Variants in PTPRD observed in about 807,000 individuals in gnomAD.
The protein encoded by PTPRD is protein tyrosine phosphatase receptor type D.
A neutral mutation model predicts 214.5 loss-of-function variants in PTPRD; 34 were observed. The observed-to-expected ratio is 0.16, with a 90% CI of 0.12 to 0.21. PTPRD has a LOEUF of 0.21. Among genes scored for constraint, PTPRD ranks in the 10% least tolerant of loss-of-function variants. PTPRD has a pLI of 1.00. For synonymous variants in PTPRD, 1,128 were observed against 845.7 expected (o/e 1.33, Z -5.79); for missense variants, 2,545 against 2,398.7 (o/e 1.06, Z -1.27).
intron 3 of PTPRD, among the ~76,000 whole-genome samples, chr9:10,165,919 A>G (rs2099156237): frequency 6.6e-6 from 1 of 150,930 alleles, no homozygotes; most frequent in Non-Finnish European, 1.5e-5. Context: ...CAATATATAG[A>G]TCTATGCAGA....
At chr9:8,530,171 G>A (rs1162004874) in intron 14 of PTPRD, among the ~76,000 whole-genome samples, 3 of 151,944 alleles carry the variant, frequency 2.0e-5, no homozygotes, top group African/African-American at 7.2e-5. Flanking sequence ...CCATTTTGAT[G>A]CCTCCACCGT....
intron 11 of PTPRD, among the ~76,000 whole-genome samples, chr9:8,746,367 G>A (rs1373253978): frequency 6.6e-6 from 1 of 152,142 alleles, no homozygotes; most frequent in Non-Finnish European, 1.5e-5. Context: ...ATTTCCTGCA[G>A]CAATAAAAGC....
intron 8 of PTPRD, among the ~76,000 whole-genome samples, chr9:9,471,396 C>T (rs1023637055): frequency 6.6e-6 from 1 of 152,056 alleles, no homozygotes; most frequent in Non-Finnish European, 1.5e-5. Flanking sequence ...GATCATATTT[C>T]ATTGGTGACT....
At chr9:9,658,650 G>T (rs1186520618) in intron 7 of PTPRD, among the ~76,000 whole-genome samples, 1 of 152,022 alleles carries the variant, frequency 6.6e-6, no homozygotes, top group East Asian at 1.9e-4. Context: ...GAAAATTCTG[G>T]TCACTTCTTT....
chr9:10,284,087 TATTAGA>T lies in PTPRD; in HGVS notation c.-545+56870_-545+56875del, dbSNP rs1384844690. On this transcript the variant is annotated intron_variant, in intron 3 of 45. Coordinates refer to ENST00000381196, the MANE Select transcript of PTPRD (RefSeq NM_002839.4). ...CGGCTTATCTCTGACATTCTGTGAT[TATTAGA>T]ATTACTTACAATTTATTGTTGAGAT... 7.2e-5 allele frequency among the ~76,000 whole-genome samples: 11 copies of T among 152,314 alleles called. No homozygotes were observed. In the South Asian group the frequency reaches 2.3e-3, roughly 32 times the overall value.
At chr9:8,503,707 C>G (rs2097471852) in intron 23 of PTPRD, among the ~76,000 whole-genome samples, 1 of 152,154 alleles carries the variant, frequency 6.6e-6, no homozygotes, top group Non-Finnish European at 1.5e-5. Context: ...AATTTGTCCA[C>G]ATACAGATTT....
chr9:9,205,757 T>A (rs1569562124), intron 9 of PTPRD, among the ~76,000 whole-genome samples: 2 of 152,072 alleles, frequency 1.3e-5, no homozygotes, highest in African/African-American at 4.8e-5. Context: ...CACCCATTTA[T>A]AAAAAATATG....
At chr9:8,943,040 C>T (rs57211494) in intron 11 of PTPRD, among the ~76,000 whole-genome samples, 1 of 151,820 alleles carries the variant, frequency 6.6e-6, no homozygotes, top group South Asian at 2.1e-4. Context: ...ACCTTATTTA[C>T]AACAGTTACA....
chr9:9,867,861 C>G (rs185167056), intron 5 of PTPRD, among the ~76,000 whole-genome samples: 1 of 152,146 alleles, frequency 6.6e-6, no homozygotes, highest in Non-Finnish European at 1.5e-5. Flanking sequence ...ACTGAGGAGA[C>G]CTTGGCCCCA....
chr9:9,557,356 T>C (rs1433523705), intron 8 of PTPRD, among the ~76,000 whole-genome samples: 2 of 152,148 alleles, frequency 1.3e-5, no homozygotes, highest in African/African-American at 4.8e-5. Flanking sequence ...ACCAATAAGA[T>C]ACCGAACTCC....
At chr9:9,273,923 T>C (rs751478802) in intron 9 of PTPRD, among the ~76,000 whole-genome samples, 4 of 151,328 alleles carry the variant, frequency 2.6e-5, no homozygotes, top group African/African-American at 7.3e-5. Flanking sequence ...GGAAATTTCA[T>C]AGACTTCAAT....
At chr9:9,392,100 C>T (rs564475807) in intron 9 of PTPRD, among the ~76,000 whole-genome samples, 4 of 152,154 alleles carry the variant, frequency 2.6e-5, no homozygotes, top group Admixed American at 2.0e-4. Flanking sequence ...AAGAAATAGC[C>T]GGAAAAGCAG....
chr9:10,114,289 A>G (rs1041512721), intron 3 of PTPRD, among the ~76,000 whole-genome samples: 1 of 152,166 alleles, frequency 6.6e-6, no homozygotes, highest in Non-Finnish European at 1.5e-5. Flanking sequence ...CACCCTATTG[A>G]AGGGGTCAAA....
intron 2 of PTPRD, among the ~76,000 whole-genome samples, chr9:10,527,993 G>A (rs1375835482): frequency 1.3e-5 from 2 of 151,880 alleles, no homozygotes; most frequent in Non-Finnish European, 2.9e-5. Flanking sequence ...AAAGATTAAA[G>A]CTAATCATGA....
rs1005041360 is a variant in PTPRD at position 10,009,490 on chromosome 9, A to C, written c.-472+24228T>G. Among the ~76,000 whole-genome samples the C allele has an allele frequency of 1.4e-4, 22 of 151,938 alleles. 1 individual carries two copies. Among genetic ancestry groups the C allele is most frequent in the Non-Finnish European group, 1.5e-5 (1 of 67,918 alleles). On this transcript the variant is annotated intron_variant, in intron 4 of 45. Transcript: ENST00000381196. ...AGCAATTGGTTGAAAGAGTTAAGTA[A>C]TTATCTATACACCTAGAAGCAATAG...
Position 9,029,082 on chromosome 9 carries a change from T to C in PTPRD, c.-142-10347A>G, listed in dbSNP as rs1279786592. 2.6e-5 allele frequency among the ~76,000 whole-genome samples: 4 copies of C among 151,926 alleles called. No homozygotes were observed. In the East Asian group the frequency reaches 7.7e-4, roughly 29 times the overall value. On this transcript the variant is annotated intron_variant, in intron 10 of 45. Transcript: ENST00000381196. Reference sequence around the variant, plus strand: ...ATGAAAAATAATATGAAATATCTCATTCATATTAGTCATTATTATCTATTA... The same window carrying C: ...ATGAAAAATAATATGAAATATCTCACTCATATTAGTCATTATTATCTATTA...
At chr9:8,772,182 CTT>C (rs1046000629) in intron 11 of PTPRD, among the ~76,000 whole-genome samples, 7 of 151,932 alleles carry the variant, frequency 4.6e-5, no homozygotes, top group Non-Finnish European at 1.0e-4. Flanking sequence ...GGCCAGAACT[CTT>C]TTAAATTCTG....
intron 4 of PTPRD, among the ~76,000 whole-genome samples, chr9:10,012,985 T>G (rs1057165995): frequency 3.3e-5 from 5 of 151,974 alleles, no homozygotes; most frequent in African/African-American, 4.8e-5. Flanking sequence ...CTTCAATATT[T>G]TAATAATCAT....
chr9:8,474,668 T>C (rs1401865749), intron 30 of PTPRD, among the ~76,000 whole-genome samples: 1 of 152,190 alleles, frequency 6.6e-6, no homozygotes, highest in Non-Finnish European at 1.5e-5. Flanking sequence ...CATTTTCACT[T>C]TCTCCTCTAG....
Sources: allele counts gnomAD v4.1 joint callset (sites outside exome capture counted in the v4.1 genomes callset), GRCh38; gene constraint gnomAD v4.1.1; transcripts MANE v1.5; gene names NCBI Gene and HGNC (gene_info 2026-07-23, HGNC 2026-07-21).